The following CLSTN2 variants were observed in gnomAD, a reference collection of about 807,000 sequenced individuals.
CLSTN2 encodes calsyntenin 2.
Under a neutral mutation model 101.2 loss-of-function variants are expected in CLSTN2, and 48 were observed. The ratio of observed to expected loss-of-function variants is 0.47; its 90% CI spans 0.38 to 0.60. CLSTN2 has a LOEUF of 0.60. Ranked by LOEUF, CLSTN2 falls within the 20% of genes least tolerant of loss-of-function variation. The pLI, the probability that CLSTN2 is intolerant of heterozygous loss-of-function variation, is 0.00. For synonymous variants in CLSTN2, 481 were observed against 463.6 expected, an observed-to-expected ratio of 1.04 and a Z score of -0.48; for missense variants, 1,160 against 1,238.2, an observed-to-expected ratio of 0.94 and a Z score of 0.95.
At chr3:139,984,299 C>T (rs549028125) in intron 1 of CLSTN2, among the ~76,000 whole-genome samples, 113 of 152,188 alleles carry the variant, frequency 7.4e-4, no homozygotes, top group African/African-American at 2.5e-3. Flanking sequence ...GGTCAGTATC[C>T]CTCATAAACA....
At chr3:140,156,402 C>G (rs776342283) in intron 1 of CLSTN2, among the ~76,000 whole-genome samples, 10 of 152,206 alleles carry the variant, frequency 6.6e-5, no homozygotes, top group African/African-American at 1.7e-4. Context: ...CATAGATTCT[C>G]AATAAATATT....
intron 2 of CLSTN2, among the ~76,000 whole-genome samples, chr3:140,263,285 A>C (rs936252742): frequency 3.3e-5 from 5 of 152,130 alleles, no homozygotes; most frequent in African/African-American, 1.2e-4. Flanking sequence ...AATGTAGGGG[A>C]CCTATATGTG....
At chr3:140,392,215 T>C (rs1460439885) in intron 2 of CLSTN2, among the ~76,000 whole-genome samples, 1 of 150,772 alleles carries the variant, frequency 6.6e-6, no homozygotes, top group East Asian at 1.9e-4. Flanking sequence ...AGTAGCCACA[T>C]TTAAAAAAAA....
intron 1 of CLSTN2, among the ~76,000 whole-genome samples, chr3:140,044,755 G>A (rs2007834999): frequency 6.6e-6 from 1 of 152,140 alleles, no homozygotes. Flanking sequence ...GTTGAATTTT[G>A]TCGAAGGCCT....
At position 140,441,800 on chromosome 3, in the gene CLSTN2, C is replaced by A. The variant is rs572314148; in HGVS notation, c.788-6719C>A. On this transcript the variant is annotated intron_variant, in intron 5 of 16. Coordinates refer to ENST00000458420, the MANE Select transcript of CLSTN2 (RefSeq NM_022131.3). ...TGTTTCTGACGCTCTAAATAACCCA[C>A]TCCCTGGCCCAGCACCCAAGGTCCT... 2.0e-5 allele frequency among the ~76,000 whole-genome samples: 3 copies of A among 152,354 alleles called. No individual in the cohort carries two copies. In the South Asian group the frequency reaches 6.2e-4, roughly 32 times the overall value.
chr3:140,003,959 C>T (rs2107748578), intron 1 of CLSTN2, among the ~76,000 whole-genome samples: 1 of 152,224 alleles, frequency 6.6e-6, no homozygotes, highest in East Asian at 1.9e-4. Context: ...AATTTTCTCG[C>T]CTCTTCATAT....
intron 2 of CLSTN2, among the ~76,000 whole-genome samples, chr3:140,199,171 C>G (rs539636858): frequency 1.3e-5 from 2 of 152,102 alleles, no homozygotes; most frequent in Admixed American, 6.5e-5. Flanking sequence ...CTTGTAAGTA[C>G]GCAGAATATT....
chr3:140,205,362 T>A (rs924869476), intron 2 of CLSTN2, among the ~76,000 whole-genome samples: 1 of 152,206 alleles, frequency 6.6e-6, no homozygotes, highest in Non-Finnish European at 1.5e-5. Context: ...CTATAGGGCA[T>A]GCACAGTGTA....
At chr3:140,073,051 C>G (rs2008421507) in intron 1 of CLSTN2, among the ~76,000 whole-genome samples, 1 of 152,178 alleles carries the variant, frequency 6.6e-6, no homozygotes, top group African/African-American at 2.4e-5. Flanking sequence ...CAGCGACTGT[C>G]CTGGTAAACA....
At chr3:140,420,711 T>C (rs1463433393) in intron 4 of CLSTN2, among the ~76,000 whole-genome samples, 2 of 152,234 alleles carry the variant, frequency 1.3e-5, no homozygotes, top group Non-Finnish European at 2.9e-5. Context: ...TTAAAAAATA[T>C]GTGTCAGGAC....
chr3:140,280,103 T>G (rs1333337110), intron 2 of CLSTN2, among the ~76,000 whole-genome samples: 1 of 152,188 alleles, frequency 6.6e-6, no homozygotes, highest in East Asian at 1.9e-4. Context: ...AGTGAGAGTG[T>G]CAAACTGAAA....
intron 6 of CLSTN2, among the ~76,000 whole-genome samples, chr3:140,457,701 C>T (rs925400605): frequency 3.3e-5 from 5 of 152,172 alleles, no homozygotes; most frequent in Non-Finnish European, 7.3e-5. Context: ...ATGGACCCAC[C>T]TAAGCATTGG....
chr3:140,459,071 G>C (rs1014971935), intron 6 of CLSTN2, among the ~76,000 whole-genome samples: 1 of 152,110 alleles, frequency 6.6e-6, no homozygotes, highest in Non-Finnish European at 1.5e-5. Flanking sequence ...AACTGTGTCT[G>C]ACTCACCTTC....
intron 8 of CLSTN2, among the ~76,000 whole-genome samples, chr3:140,480,577 C>T (rs1389035382): frequency 1.3e-5 from 2 of 152,068 alleles, no homozygotes; most frequent in Non-Finnish European, 2.9e-5. Flanking sequence ...GTAAAAGTGT[C>T]CCTATTTCTC....
At chr3:140,559,639 G>A (rs184480094) in intron 12 of CLSTN2, among the ~76,000 whole-genome samples, 7 of 152,164 alleles carry the variant, frequency 4.6e-5, no homozygotes, top group African/African-American at 7.2e-5. Flanking sequence ...TTGTTACTCC[G>A]AGGGACGGGG....
chr3:140,016,564 G>T (rs935680309), intron 1 of CLSTN2, among the ~76,000 whole-genome samples: 2 of 151,960 alleles, frequency 1.3e-5, no homozygotes, highest in Non-Finnish European at 2.9e-5. Flanking sequence ...ACTTTGGGAG[G>T]CCGAGGCGGG....
intron 1 of CLSTN2, among the ~76,000 whole-genome samples, chr3:140,162,673 A>G (rs1277230375): frequency 2.6e-5 from 4 of 152,114 alleles, no homozygotes. Flanking sequence ...TATACTCTGT[A>G]TCTTTTCAGG....
chr3:140,016,747 C>T (rs920965682), intron 1 of CLSTN2, among the ~76,000 whole-genome samples: 17 of 133,844 alleles, frequency 1.3e-4, no homozygotes, highest in East Asian at 2.2e-4. Context: ...TGCAGTGAGC[C>T]GAGATCATAC....
At chr3:140,293,652 C>A (rs1231020012) in intron 2 of CLSTN2, among the ~76,000 whole-genome samples, 2 of 152,046 alleles carry the variant, frequency 1.3e-5, no homozygotes, top group Non-Finnish European at 2.9e-5. Context: ...TTGAGAGAGT[C>A]CCAGGGATGT....
Sources: allele counts gnomAD v4.1 joint callset (sites outside exome capture counted in the v4.1 genomes callset), GRCh38; gene constraint gnomAD v4.1.1; transcripts MANE v1.5; gene names NCBI Gene and HGNC (gene_info 2026-07-23, HGNC 2026-07-21).